CHM: variants seen among roughly 807,000 people sequenced by gnomAD.
CHM encodes CHM Rab escort protein.
Under a neutral mutation model 49.0 loss-of-function variants are expected in CHM, and 10 were observed. The ratio of observed to expected loss-of-function variants is 0.20; its 90% CI spans 0.13 to 0.35. The LOEUF (loss-of-function observed/expected upper bound fraction) is 0.35. Among genes scored for constraint, CHM ranks in the 10% least tolerant of loss-of-function variants. CHM has a pLI of 1.00. For synonymous variants in CHM, 184 were observed against 167.5 expected (o/e 1.10, Z -0.76); for missense variants, 455 against 478.4 (o/e 0.95, Z 0.46).
intron 14 of CHM, among the ~76,000 whole-genome samples, chrX:85,867,312 C>A (rs1205169842): frequency 9.0e-6 from 1 of 111,616 alleles, no homozygotes; most frequent in Non-Finnish European, 1.9e-5. Context: ...GTAAGACATG[C>A]CTTGCTTCCC....
At chrX:85,928,662 G>A (rs1363425195) in intron 8 of CHM, among the ~76,000 whole-genome samples, 1 of 112,061 alleles carries the variant, frequency 8.9e-6, no homozygotes, top group Non-Finnish European at 1.9e-5. Flanking sequence ...AATATGTAAG[G>A]CAATGTTTTC....
chrX:85,969,386 C>T (rs758637554), intron 4 of CHM: 16 of 722,849 alleles, frequency 2.2e-5, no homozygotes, highest in Admixed American at 8.8e-5. Context: ...TAATATATTG[C>T]ACCTTTTTAT....
Position 85,958,992 on chromosome X carries a change from T to G in CHM, c.703-15A>C. 1.7e-6 allele frequency: 2 copies of G among 1,207,760 alleles called. No homozygotes were observed. Among genetic ancestry groups the G allele is most frequent in the Non-Finnish European group, 2.2e-6 (2 of 893,153 alleles). The stretch of plus-strand genomic sequence containing the variant: ...GAATACAGCAGCTGTACAAAGAAAA[T>G]ATTTTACAAGATAAAAGTTGAAATA... On this transcript the variant is annotated splice_polypyrimidine_tract_variant and intron_variant, in intron 5 of 14. Transcript: ENST00000357749.
At chrX:86,043,040 A>G (rs1218745705) in intron 1 of CHM, among the ~76,000 whole-genome samples, 1 of 111,674 alleles carries the variant, frequency 9.0e-6, no homozygotes, top group Non-Finnish European at 1.9e-5. Flanking sequence ...GAAGTATATG[A>G]AACACTGACT....
At chrX:86,014,999 T>C (rs1174745346) in intron 2 of CHM, among the ~76,000 whole-genome samples, 2 of 111,851 alleles carry the variant, frequency 1.8e-5, no homozygotes, top group Non-Finnish European at 3.8e-5. Context: ...GGGCCTTGCA[T>C]TGCTTGAGAA....
intron 8 of CHM, among the ~76,000 whole-genome samples, chrX:85,916,647 A>G (rs766645050): frequency 8.9e-6 from 1 of 112,585 alleles, no homozygotes; most frequent in Non-Finnish European, 1.9e-5. Flanking sequence ...ATGAACACAC[A>G]CTTTTCAAAA....
intron 2 of CHM, among the ~76,000 whole-genome samples, chrX:85,997,948 TA>T (rs1239110890): frequency 7.7e-5 from 8 of 104,281 alleles, no homozygotes; most frequent in Non-Finnish European, 5.9e-5. Flanking sequence ...AGACTCCGTC[TA>T]AAAAAAAAAG....
intron 2 of CHM, among the ~76,000 whole-genome samples, chrX:86,003,479 G>C (rs1407673601): frequency 8.9e-6 from 1 of 112,091 alleles, no homozygotes; most frequent in Non-Finnish European, 1.9e-5. Flanking sequence ...AAAGGAGCAT[G>C]TTCGAACCCA....
chrX:85,933,562 T>A (rs1270946760), intron 8 of CHM, among the ~76,000 whole-genome samples: 2 of 112,075 alleles, frequency 1.8e-5, no homozygotes, highest in African/African-American at 6.5e-5. Context: ...AAACACAAAG[T>A]TAGGATCAAA....
In CHM at chrX:85,963,817, C is replaced by A. The variant is rs1930423557; in HGVS notation, c.550G>T (p.Asp184Tyr). The change falls in exon 5 of 15, where the codon GAT becomes TAT. Residue 184 changes from aspartate (D) to tyrosine (Y), a missense_variant. By Grantham distance (160) the Asp-to-Tyr change is radical. Coordinates refer to ENST00000357749, the MANE Select transcript of CHM (RefSeq NM_000390.4). ...GAAGTTGATGGCACACAAGTTTTAT[C>A]ATCACAATGGTTTTCTTTTTCCCCT... ...VTGEKENHCDDKTCVPSTSAE... is the reference protein window; with the variant it reads ...VTGEKENHCDYKTCVPSTSAE... 1 of 1,211,774 alleles carries A rather than the reference C, an allele frequency of 8.3e-7. No homozygotes were observed. Among genetic ancestry groups the A allele is most frequent in the South Asian group, 1.8e-5 (1 of 56,988 alleles).
chrX:85,968,069 G>A (rs1930674423), intron 4 of CHM, among the ~76,000 whole-genome samples: 1 of 111,231 alleles, frequency 9.0e-6, no homozygotes, highest in African/African-American at 3.3e-5. Context: ...CTTTTACTTT[G>A]ATGTTTATAC....
At chrX:86,011,439 G>A (rs1478962981) in intron 2 of CHM, among the ~76,000 whole-genome samples, 1 of 111,412 alleles carries the variant, frequency 9.0e-6, no homozygotes, top group African/African-American at 3.3e-5. Context: ...TCATGCTGCT[G>A]AAGCATGACT....
chrX:85,977,756 G>A (rs997864606), intron 4 of CHM, among the ~76,000 whole-genome samples: 1 of 111,931 alleles, frequency 8.9e-6, no homozygotes, highest in East Asian at 2.8e-4. Flanking sequence ...ATACCAAATG[G>A]TATTTAGCAT....
chrX:85,879,106 T>G, intron 12 of CHM, 43 bp from the exon 13 acceptor site: 1 of 913,277 alleles, frequency 1.1e-6, no homozygotes, highest in Non-Finnish European at 1.6e-6. Context: ...ATCACAAATC[T>G]ATTTTACTTA....
At chrX:86,019,421 G>A (rs1199784168) in intron 2 of CHM, among the ~76,000 whole-genome samples, 1 of 111,690 alleles carries the variant, frequency 9.0e-6, no homozygotes, top group African/African-American at 3.3e-5. Context: ...GCACAAGAGG[G>A]ATTCCAAGCC....
In CHM at chrX:85,963,800, T is replaced by C. The variant is rs767306422; in HGVS notation, c.567A>G (p.Pro189=). ...ENHCDDKTCV[P]STSAEDMSEN... ...CACTCATGTCTTCTGCTGAAGTTGA[T>C]GGCACACAAGTTTTATCATCACAAT... The change falls in exon 5 of 15, where the codon CCA becomes CCG. Residue 189 remains proline, a synonymous_variant. Transcript: ENST00000357749. 1 of 1,212,174 alleles carries C rather than the reference T, an allele frequency of 8.2e-7. No homozygotes were observed. The highest frequency in any genetic ancestry group is 1.1e-6 in the Non-Finnish European group (1 of 895,625).
chrX:85,988,182 G>A (rs777497607), intron 2 of CHM, among the ~76,000 whole-genome samples: 4 of 111,997 alleles, frequency 3.6e-5, no homozygotes, highest in African/African-American at 1.3e-4. Flanking sequence ...CTTCATCCCC[G>A]GGATGCAAGG....
chrX:85,864,665 T>G lies in CHM; in HGVS notation c.1927A>C (p.Thr643Pro). 1 of 1,210,264 alleles carries G rather than the reference T, an allele frequency of 8.3e-7. No individual in the cohort carries two copies. Among genetic ancestry groups the G allele is most frequent in the Non-Finnish European group, 1.1e-6 (1 of 894,818 alleles). Residue 643 changes from threonine (T) to proline (P), a missense_variant, in exon 15 of 15, where the codon ACA becomes CCA. By Grantham distance (38) the Thr-to-Pro change is conservative. Transcript: ENST00000357749. ...GACTCCTCTAGGTTTCCAAGGTTTG[T>G]GCTTTCCTTGAAAGTCTCCGAGTTA... ...EANSETFKES[T>P]NLGNLEESSE
chrX:86,038,616 G>A (rs1432060140), intron 1 of CHM, among the ~76,000 whole-genome samples: 1 of 112,096 alleles, frequency 8.9e-6, no homozygotes, highest in Non-Finnish European at 1.9e-5. Context: ...GATCAATGAA[G>A]AATTCCTACT....
Sources: gnomAD v4.1 joint callset for allele counts (sites outside exome capture counted in the v4.1 genomes callset) on GRCh38, gnomAD v4.1.1 for gene constraint, MANE v1.5 for transcripts, NCBI Gene and HGNC (gene_info 2026-07-23, HGNC 2026-07-21) for gene names.